Variants in QKI observed in about 807,000 individuals in gnomAD.
QKI encodes QKI, KH domain containing RNA binding, also known as KH domain-containing RNA-binding protein QKI.
A neutral mutation model predicts 39.0 loss-of-function variants in QKI; 10 were observed. The ratio of observed to expected loss-of-function variants is 0.26; its 90% CI spans 0.16 to 0.43. QKI has a LOEUF of 0.43. QKI is among the 20% of genes least tolerant of loss of function. The probability of loss-of-function intolerance (pLI) is 1.00; values close to 1 mark genes in which losing one functional copy is unlikely to be tolerated. For synonymous variants in QKI, 204 were observed against 155.4 expected (o/e 1.31, Z -2.33); for missense variants, 218 against 428.0 (o/e 0.51, Z 4.33).
At chr6:163,567,465 T>C in intron 7 of QKI, 1 of 984,744 alleles carries the variant, frequency 1.0e-6, no homozygotes. Flanking sequence ...TAAAATATAT[T>C]ATCTGAAGGT....
At position 163,558,709 on chromosome 6, in the gene QKI, G is replaced by A. The variant is rs76033402; in HGVS notation, c.547-3273G>A. On this transcript the variant is annotated intron_variant, in intron 4 of 7. Coordinates refer to ENST00000361752, the MANE Select transcript of QKI (RefSeq NM_006775.3). ...CCACCACACCCGGCCAGTGAACCCT[G>A]TTGTCTCTTAAGACACACAAGATCA... Among the ~76,000 whole-genome samples the A allele has an allele frequency of 6.1e-3, 930 of 152,202 alleles. 21 individuals are homozygous for A. The highest frequency in any genetic ancestry group is 0.045 in the Admixed American group (685 of 15,276).
chr6:163,457,304 G>T, intron 2 of QKI: 1 of 455,954 alleles, frequency 2.2e-6, no homozygotes, highest in South Asian at 1.5e-5. Flanking sequence ...AAAGACATGG[G>T]TTTCATACAG....
chr6:163,493,624 A>G (rs1778208714), intron 3 of QKI, among the ~76,000 whole-genome samples: 1 of 152,144 alleles, frequency 6.6e-6, no homozygotes. Context: ...GTGGGATTCC[A>G]CCACTGAGGT....
chr6:163,547,401 C>A (rs561643875), intron 4 of QKI, among the ~76,000 whole-genome samples: 113 of 152,298 alleles, frequency 7.4e-4, no homozygotes, highest in Admixed American at 4.2e-3. Context: ...CATGCTCTCA[C>A]TAGAATTAAA....
Position 163,576,065 on chromosome 6 carries a change from A to C in QKI, c.*5355A>C, listed in dbSNP as rs781568611. On this transcript the variant is annotated 3_prime_UTR_variant, in exon 8 of 8. Coordinates refer to ENST00000361752, the MANE Select transcript of QKI (RefSeq NM_006775.3). ...CACAATTTTTCTAAGTGCATAGAGT[A>C]GTTTTTTACATTGTCACGAATTCCT... is the stretch of plus-strand genomic sequence containing the variant. 2 of 152,206 alleles carry C rather than the reference A, an allele frequency of 1.3e-5. No individual in the cohort carries two copies. Among genetic ancestry groups the C allele is most frequent in the Non-Finnish European group, 2.9e-5 (2 of 68,030 alleles). 9.4% of individuals were successfully genotyped at this position (152,206 alleles called of 1,614,324 possible).
intron 3 of QKI, among the ~76,000 whole-genome samples, chr6:163,488,166 C>G (rs1374779257): frequency 2.0e-5 from 3 of 152,102 alleles, no homozygotes; most frequent in Non-Finnish European, 4.4e-5. Context: ...GGAGGGACTT[C>G]TTCACATTGA....
chr6:163,426,021 G>A (rs1196816527), intron 1 of QKI, among the ~76,000 whole-genome samples: 1 of 152,134 alleles, frequency 6.6e-6, no homozygotes, highest in Non-Finnish European at 1.5e-5. Flanking sequence ...TCCCTAGAGA[G>A]ATACATATTT....
In QKI at chr6:163,547,453, G is replaced by A. The variant is rs369241935; in HGVS notation, c.546+12328G>A. On this transcript the variant is annotated intron_variant, in intron 4 of 7. Transcript: ENST00000361752. ...TTGTTCTTCCTGGACAGTCTGTTCT[G>A]TAACCATGCCTCCAGTTACCACTGC... 1.7e-3 allele frequency among the ~76,000 whole-genome samples: 253 copies of A among 152,234 alleles called. 13 individuals are homozygous for A. In the South Asian group the frequency reaches 0.05, roughly 30 times the overall value.
intron 2 of QKI, among the ~76,000 whole-genome samples, chr6:163,456,562 A>G (rs916748823): frequency 1.3e-5 from 2 of 152,226 alleles, no homozygotes; most frequent in Non-Finnish European, 2.9e-5. Context: ...TAGTCTGTAG[A>G]TGAGAAATGT....
At chr6:163,428,690 T>C (rs1173884490) in intron 1 of QKI, among the ~76,000 whole-genome samples, 1 of 152,156 alleles carries the variant, frequency 6.6e-6, no homozygotes, top group African/African-American at 2.4e-5. Context: ...TTAGATGTGA[T>C]TCAGAAGTGT....
chr6:163,416,143 C>T (rs1389190389), intron 1 of QKI, among the ~76,000 whole-genome samples: 2 of 150,944 alleles, frequency 1.3e-5, no homozygotes, highest in Non-Finnish European at 2.9e-5. Flanking sequence ...GGTTTGCTCC[C>T]GGGGACGCAG....
intron 1 of QKI, among the ~76,000 whole-genome samples, chr6:163,421,146 T>G (rs1202050395): frequency 6.6e-6 from 1 of 152,212 alleles, no homozygotes; most frequent in African/African-American, 2.4e-5. Context: ...GTTGTGTGAT[T>G]GTTGATAGTT....
At chr6:163,541,189 A>G (rs977394671) in intron 4 of QKI, among the ~76,000 whole-genome samples, 1 of 152,014 alleles carries the variant, frequency 6.6e-6, no homozygotes, top group African/African-American at 2.4e-5. Flanking sequence ...ATTCAGTGCA[A>G]AAGTTTTTTC....
chr6:163,557,884 G>A (rs1447365070), intron 4 of QKI, among the ~76,000 whole-genome samples: 2 of 151,988 alleles, frequency 1.3e-5, no homozygotes, highest in Non-Finnish European at 2.9e-5. Flanking sequence ...CACTGCATGT[G>A]AATTTTGCTT....
chr6:163,542,824 C>A (rs2128243628), intron 4 of QKI, among the ~76,000 whole-genome samples: 1 of 152,038 alleles, frequency 6.6e-6, no homozygotes, highest in East Asian at 1.9e-4. Context: ...AGTAAATGAT[C>A]TAATACATGA....
intron 1 of QKI, among the ~76,000 whole-genome samples, chr6:163,415,721 C>T (rs1044832747): frequency 6.6e-6 from 1 of 151,934 alleles, no homozygotes; most frequent in South Asian, 2.1e-4. Context: ...CACGCCGCGC[C>T]GCCGGCCTGG....
At chr6:163,534,899 A>ATTGAC in intron 3 of QKI, 83 bp from the exon 4 acceptor site, 1 of 1,101,884 alleles carries the variant, frequency 9.1e-7, no homozygotes, top group African/African-American at 1.6e-5. Flanking sequence ...AGCTGAAATA[A>ATTGAC]TTGACAACAG....
chr6:163,555,468 G>A (rs987796140), intron 4 of QKI, among the ~76,000 whole-genome samples: 2 of 123,954 alleles, frequency 1.6e-5, no homozygotes, highest in African/African-American at 3.1e-5. Flanking sequence ...CCAAGATCAC[G>A]CCACAGCACT....
At chr6:163,447,167 G>T (rs936022414) in intron 1 of QKI, among the ~76,000 whole-genome samples, 3 of 151,040 alleles carry the variant, frequency 2.0e-5, no homozygotes, top group Non-Finnish European at 2.9e-5. Context: ...GCTGTGACTT[G>T]GTCCAGTTTC....
Sources: gnomAD v4.1 joint callset for allele counts (sites outside exome capture counted in the v4.1 genomes callset) on GRCh38, gnomAD v4.1.1 for gene constraint, MANE v1.5 for transcripts, NCBI Gene and HGNC (gene_info 2026-07-23, HGNC 2026-07-21) for gene names.